SLC44A5: variants seen among roughly 807,000 people sequenced by gnomAD.
The protein encoded by SLC44A5 is choline transporter-like protein 5.
SLC44A5 carries 57 observed loss-of-function variants against 101.8 expected under a neutral mutation model. That is an observed-to-expected ratio of 0.56 (90% CI 0.45 to 0.70). SLC44A5 has a LOEUF of 0.70. Among genes scored for constraint, SLC44A5 ranks in the 30% least tolerant of loss-of-function variants. The probability of loss-of-function intolerance (pLI) is 0.00; values close to 1 mark genes in which losing one functional copy is unlikely to be tolerated. For missense variants in SLC44A5, 737 were observed against 853.1 expected (o/e 0.86, Z 1.70); for synonymous variants, 281 against 290.9 (o/e 0.97, Z 0.35).
the SLC44A5 span, among the ~76,000 whole-genome samples, chr1:75,628,861 G>A: frequency 6.6e-6 from 1 of 152,102 alleles, no homozygotes; most frequent in Non-Finnish European, 1.5e-5. Context: ...CTATAACATG[G>A]GAAAGGTAGC....
At chr1:75,271,767 C>T (rs1651500886) in intron 6 of SLC44A5, among the ~76,000 whole-genome samples, 1 of 152,062 alleles carries the variant, frequency 6.6e-6, no homozygotes, top group South Asian at 2.1e-4. Context: ...AACTGTGCTG[C>T]TGTAAACATG....
intron 23 of SLC44A5, chr1:75,204,525 C>T (rs1249192151): frequency 2.0e-5 from 3 of 151,756 alleles, no homozygotes; most frequent in Non-Finnish European, 4.4e-5. Context: ...GCTCTGTCAC[C>T]CAGGCTGGAG....
the SLC44A5 span, among the ~76,000 whole-genome samples, chr1:75,656,119 G>A: frequency 1.3e-5 from 2 of 152,070 alleles, no homozygotes; most frequent in Admixed American, 6.6e-5. Flanking sequence ...TCAAAGTGCT[G>A]AAGGGAAAAA....
chr1:75,395,228 CAT>C (rs1308659328), intron 3 of SLC44A5, among the ~76,000 whole-genome samples: 3 of 151,986 alleles, frequency 2.0e-5, no homozygotes, highest in Non-Finnish European at 4.4e-5. Flanking sequence ...TGAATAAAAA[CAT>C]AACTCAGATC....
At chr1:75,280,010 T>G (rs971459593) in intron 5 of SLC44A5, among the ~76,000 whole-genome samples, 24 of 148,072 alleles carry the variant, frequency 1.6e-4, no homozygotes, top group African/African-American at 5.7e-4. Context: ...TGTTTGGTTT[T>G]GCATTCCTGA....
chr1:75,246,442 C>T (rs74786931), intron 7 of SLC44A5, among the ~76,000 whole-genome samples: 2,400 of 151,996 alleles, frequency 0.016, 63 homozygotes, highest in African/African-American at 0.056. Flanking sequence ...TTACTGATCC[C>T]CTACTCTGAG....
chr1:75,444,275 C>A (rs1180423458), intron 2 of SLC44A5, among the ~76,000 whole-genome samples: 3 of 147,354 alleles, frequency 2.0e-5, no homozygotes, highest in African/African-American at 7.5e-5. Flanking sequence ...TGAGATTGCT[C>A]CACTGCACTC....
At chr1:75,596,160 G>A (rs1467849278) in intron 1 of SLC44A5, among the ~76,000 whole-genome samples, 1 of 151,814 alleles carries the variant, frequency 6.6e-6, no homozygotes, top group African/African-American at 2.4e-5. Flanking sequence ...ATGATACTGA[G>A]TTTCTTCAAA....
chr1:75,574,196 C>A (rs1193420233), intron 1 of SLC44A5, among the ~76,000 whole-genome samples: 1 of 152,132 alleles, frequency 6.6e-6, no homozygotes, highest in Non-Finnish European at 1.5e-5. Context: ...AAGAAATAAG[C>A]CTTCACTCAT....
the SLC44A5 span, among the ~76,000 whole-genome samples, chr1:75,705,967 C>T: frequency 6.6e-6 from 1 of 152,190 alleles, no homozygotes; most frequent in Non-Finnish European, 1.5e-5. Context: ...TGTGAGCCAC[C>T]ATGCCCAGCC....
intron 3 of SLC44A5, among the ~76,000 whole-genome samples, chr1:75,372,824 G>T (rs1348228185): frequency 1.3e-5 from 2 of 152,120 alleles, no homozygotes; most frequent in African/African-American, 4.8e-5. Context: ...AAATAGCTTT[G>T]GTTGTTCAAA....
At chr1:75,229,748 C>G (rs2100549928) in intron 12 of SLC44A5, among the ~76,000 whole-genome samples, 1 of 152,290 alleles carries the variant, frequency 6.6e-6, no homozygotes, top group East Asian at 1.9e-4. Context: ...TTAGTCTGTT[C>G]CTTTACTGTT....
chr1:75,618,883 A>T, the SLC44A5 span, among the ~76,000 whole-genome samples: 2 of 152,072 alleles, frequency 1.3e-5, no homozygotes, highest in African/African-American at 2.4e-5. Context: ...CAGCCTGGCC[A>T]ACATGGTGAA....
chr1:75,302,743 T>C (rs939728996), intron 4 of SLC44A5, among the ~76,000 whole-genome samples: 3 of 152,212 alleles, frequency 2.0e-5, no homozygotes, highest in Non-Finnish European at 4.4e-5. Flanking sequence ...AAATCAGGGT[T>C]ACTTGAACAC....
the SLC44A5 span, among the ~76,000 whole-genome samples, chr1:75,647,527 C>T: frequency 6.6e-6 from 1 of 152,172 alleles, no homozygotes; most frequent in African/African-American, 2.4e-5. Context: ...ACAGCTTGCA[C>T]CGTGCACCTG....
chr1:75,566,568 C>G (rs1672795456), intron 1 of SLC44A5, among the ~76,000 whole-genome samples: 1 of 152,136 alleles, frequency 6.6e-6, no homozygotes, highest in South Asian at 2.1e-4. Flanking sequence ...GAAAATGCAG[C>G]TAGATTCTTT....
intron 2 of SLC44A5, among the ~76,000 whole-genome samples, chr1:75,476,557 G>A (rs561932604): frequency 1.3e-4 from 20 of 152,328 alleles, no homozygotes; most frequent in South Asian, 8.3e-4. Flanking sequence ...TGAATACTGC[G>A]CTTTTCCGAC....
At chr1:75,218,210 A>G (rs978484765) in intron 17 of SLC44A5, among the ~76,000 whole-genome samples, 47 of 152,098 alleles carry the variant, frequency 3.1e-4, no homozygotes, top group African/African-American at 1.1e-3. Context: ...TTACTGCTCA[A>G]TGGAGACACA....
chr1:75,600,103 T>C (rs1674886057), intron 1 of SLC44A5, among the ~76,000 whole-genome samples: 1 of 152,098 alleles, frequency 6.6e-6, no homozygotes, highest in Non-Finnish European at 1.5e-5. Flanking sequence ...ATGATAACAC[T>C]GACTCAGATC....
Sources: gnomAD v4.1 joint callset for allele counts (sites outside exome capture counted in the v4.1 genomes callset) on GRCh38, gnomAD v4.1.1 for gene constraint, MANE v1.5 for transcripts, NCBI Gene and HGNC (gene_info 2026-07-23, HGNC 2026-07-21) for gene names.